GRIN2A: variants seen among roughly 807,000 people sequenced by gnomAD.
GRIN2A encodes the protein glutamate ionotropic receptor NMDA type subunit 2A.
GRIN2A carries 22 observed loss-of-function variants against 113.4 expected under a neutral mutation model. The observed-to-expected ratio is 0.19, with a 90% CI of 0.14 to 0.28. The LOEUF (loss-of-function observed/expected upper bound fraction) is 0.28. Ranked by LOEUF, GRIN2A falls within the 10% of genes least tolerant of loss-of-function variation. GRIN2A has a pLI of 1.00. For synonymous variants in GRIN2A, 827 were observed against 738.4 expected (o/e 1.12, Z -1.94); for missense variants, 1,502 against 1,887.0 (o/e 0.80, Z 3.78).
intron 3 of GRIN2A, among the ~76,000 whole-genome samples, chr16:9,907,142 C>G (rs141080463): frequency 2.0e-5 from 3 of 152,012 alleles, no homozygotes; most frequent in African/African-American, 7.2e-5. Flanking sequence ...ATTCAGCCAT[C>G]GAAGGACATT....
intron 2 of GRIN2A, among the ~76,000 whole-genome samples, chr16:9,993,635 T>C (rs937598439): frequency 3.9e-5 from 6 of 152,180 alleles, no homozygotes; most frequent in Non-Finnish European, 4.4e-5. Context: ...TTTAAATCTC[T>C]CCTGTGCAAT....
chr16:9,905,438 C>T (rs1416820301), intron 3 of GRIN2A, among the ~76,000 whole-genome samples: 2 of 152,102 alleles, frequency 1.3e-5, no homozygotes, highest in East Asian at 3.8e-4. Flanking sequence ...GTAAAACGAG[C>T]CAGGTGCAAG....
At chr16:9,900,934 C>G (rs1226417051) in intron 3 of GRIN2A, among the ~76,000 whole-genome samples, 1 of 152,194 alleles carries the variant, frequency 6.6e-6, no homozygotes, top group Non-Finnish European at 1.5e-5. Context: ...TCACCTGTGC[C>G]TATGCTGCCA....
chr16:9,865,639 GT>G (rs1184579272), intron 4 of GRIN2A, among the ~76,000 whole-genome samples: 1 of 152,118 alleles, frequency 6.6e-6, no homozygotes, highest in Non-Finnish European at 1.5e-5. Context: ...TATTCTGTAG[GT>G]TTTCAGTTCC....
rs554059598 is a variant in GRIN2A, at chr16:10,131,822, T to G, written c.414+48176A>C. On this transcript the variant is annotated intron_variant, in intron 2 of 12. Coordinates refer to ENST00000330684, the MANE Select transcript of GRIN2A (RefSeq NM_001134407.3). ...TGTATTCTCTTCACTAATATCCCTC[T>G]GCCTAGAGTGGCAAAACAGGAAGAG... Among the ~76,000 whole-genome samples, 3 of 152,332 alleles carry G rather than the reference T, an allele frequency of 2.0e-5. No individual in the cohort carries two copies. The South Asian group carries it at 6.2e-4, about 32-fold the overall frequency.
intron 10 of GRIN2A, among the ~76,000 whole-genome samples, chr16:9,807,094 C>T (rs1567312249): frequency 6.6e-6 from 1 of 150,872 alleles, no homozygotes. Flanking sequence ...GAGGCCTCCC[C>T]AGCCACATGG....
At chr16:10,014,378 T>C (rs1457758004) in intron 2 of GRIN2A, among the ~76,000 whole-genome samples, 1 of 152,238 alleles carries the variant, frequency 6.6e-6, no homozygotes, top group Non-Finnish European at 1.5e-5. Context: ...AAGCTTGATT[T>C]CATTGGCCAC....
intron 4 of GRIN2A, among the ~76,000 whole-genome samples, chr16:9,850,209 G>A (rs1356035011): frequency 6.6e-6 from 1 of 152,160 alleles, no homozygotes. Context: ...CAGTGCCCAG[G>A]CACTGATACC....
intron 2 of GRIN2A, among the ~76,000 whole-genome samples, chr16:10,139,568 TA>T (rs1220561535): frequency 2.0e-5 from 3 of 152,214 alleles, no homozygotes; most frequent in Non-Finnish European, 4.4e-5. Flanking sequence ...CTTAGAGTAG[TA>T]AGGCCTTGGA....
intron 11 of GRIN2A, among the ~76,000 whole-genome samples, chr16:9,769,561 G>A (rs1026068272): frequency 4.0e-5 from 6 of 150,880 alleles, no homozygotes; most frequent in Admixed American, 2.0e-4. Context: ...GAATAAAAGG[G>A]CAGAACGTGA....
At chr16:9,968,380 C>A (rs1247674711) in intron 2 of GRIN2A, among the ~76,000 whole-genome samples, 1 of 152,198 alleles carries the variant, frequency 6.6e-6, no homozygotes, top group Non-Finnish European at 1.5e-5. Context: ...ATGGTACGAT[C>A]TTGGCTCACT....
chr16:9,970,002 C>T (rs958122403), intron 2 of GRIN2A, among the ~76,000 whole-genome samples: 1 of 152,206 alleles, frequency 6.6e-6, no homozygotes, highest in Non-Finnish European at 1.5e-5. Flanking sequence ...AACACACTCT[C>T]CGTGTGAATC....
intron 3 of GRIN2A, among the ~76,000 whole-genome samples, chr16:9,895,746 C>T (rs988873225): frequency 1.1e-4 from 17 of 152,154 alleles, no homozygotes; most frequent in African/African-American, 4.1e-4. Context: ...GTACCTGCTG[C>T]CCTAAGTTGA....
At chr16:9,873,328 T>C (rs771598871) in intron 4 of GRIN2A, among the ~76,000 whole-genome samples, 1 of 152,198 alleles carries the variant, frequency 6.6e-6, no homozygotes, top group Admixed American at 6.5e-5. Context: ...ATTACACTTG[T>C]ATACCCCATA....
At chr16:9,967,897 A>T (rs904434164) in intron 2 of GRIN2A, among the ~76,000 whole-genome samples, 17 of 152,300 alleles carry the variant, frequency 1.1e-4, no homozygotes, top group Admixed American at 4.6e-4. Flanking sequence ...AATAGAAATT[A>T]AAAAAATTTT....
At chr16:10,136,390 C>T (rs962247091) in intron 2 of GRIN2A, among the ~76,000 whole-genome samples, 14 of 152,128 alleles carry the variant, frequency 9.2e-5, no homozygotes, top group African/African-American at 3.4e-4. Context: ...TCATTTGCAA[C>T]TAGGTGCTAA....
chr16:10,112,610 C>T, intron 2 of GRIN2A: 1 of 771,134 alleles, frequency 1.3e-6, no homozygotes, highest in Non-Finnish European at 2.4e-6. Flanking sequence ...TCAAGAAGTA[C>T]TGGGGCATGG....
At chr16:9,856,436 T>G (rs1030930306) in intron 4 of GRIN2A, among the ~76,000 whole-genome samples, 1 of 151,622 alleles carries the variant, frequency 6.6e-6, no homozygotes, top group African/African-American at 2.4e-5. Context: ...CTGGCTAACA[T>G]GGTGAAACCC....
At chr16:10,005,826 C>T (rs976951281) in intron 2 of GRIN2A, among the ~76,000 whole-genome samples, 7 of 152,174 alleles carry the variant, frequency 4.6e-5, no homozygotes, top group African/African-American at 1.7e-4. Context: ...GGGAAGTTTT[C>T]ATCCAGTGAA....
Sources: allele counts gnomAD v4.1 joint callset (sites outside exome capture counted in the v4.1 genomes callset), GRCh38; gene constraint gnomAD v4.1.1; transcripts MANE v1.5; gene names NCBI Gene and HGNC (gene_info 2026-07-23, HGNC 2026-07-21).